Variants in C8orf34 observed in about 807,000 individuals in gnomAD.
C8orf34 encodes chromosome 8 open reading frame 34.
In C8orf34, 65 loss-of-function variants were observed where a neutral mutation model predicts 68.3. The ratio of observed to expected loss-of-function variants is 0.95; its 90% CI spans 0.78 to 1.17. The LOEUF is 1.17. Ranked by LOEUF, C8orf34 falls within the 50% of genes most tolerant of loss-of-function variation. C8orf34 has a pLI of 0.00. For synonymous variants in C8orf34, 244 were observed against 241.2 expected (o/e 1.01, Z -0.11); for missense variants, 664 against 655.4 (o/e 1.01, Z -0.14).
intron 7 of C8orf34, among the ~76,000 whole-genome samples, chr8:68,573,303 T>C (rs78778675): frequency 0.01 from 1,537 of 152,230 alleles, 24 homozygotes; most frequent in African/African-American, 0.035. Context: ...AGTTCTGAGA[T>C]GAGGCCTTTG....
At chr8:68,477,560 G>T (rs1390689473) in intron 4 of C8orf34, among the ~76,000 whole-genome samples, 1 of 152,210 alleles carries the variant, frequency 6.6e-6, no homozygotes, top group Non-Finnish European at 1.5e-5. Context: ...TCTACTGACA[G>T]CTTGAACTGT....
intron 8 of C8orf34, among the ~76,000 whole-genome samples, chr8:68,704,672 C>A (rs1409146389): frequency 3.3e-5 from 5 of 152,138 alleles, no homozygotes; most frequent in Non-Finnish European, 4.4e-5. Flanking sequence ...CTTCATTCCA[C>A]CCACTGTGAA....
intron 1 of C8orf34, among the ~76,000 whole-genome samples, chr8:68,427,284 A>AC (rs1188470288): frequency 1.3e-5 from 2 of 152,188 alleles, no homozygotes; most frequent in Non-Finnish European, 2.9e-5. Context: ...AGAGAAACTA[A>AC]CCAAAGGTCC....
chr8:68,734,480 G>A (rs1022575407), intron 10 of C8orf34, among the ~76,000 whole-genome samples: 7 of 152,082 alleles, frequency 4.6e-5, no homozygotes, highest in African/African-American at 1.7e-4. Context: ...TGCATTCCTG[G>A]GAGATGACAA....
chr8:68,385,293 G>A (rs1406648300), intron 1 of C8orf34, among the ~76,000 whole-genome samples: 1 of 152,112 alleles, frequency 6.6e-6, no homozygotes, highest in Non-Finnish European at 1.5e-5. Context: ...AACAAATGGA[G>A]GAACAAAGTA....
rs541684325 is a variant in C8orf34 at position 68,489,958 on chromosome 8, G to C, written c.765+1907G>C. On this transcript the variant is annotated intron_variant, in intron 5 of 13. Coordinates refer to ENST00000518698, the MANE Select transcript of C8orf34 (RefSeq NM_052958.4). ...AAACCATCATAATATTTTAGAATTA[G>C]TTTCATTGTCATCTGTACCGACTCC... is the stretch of plus-strand genomic sequence containing the variant. Among the ~76,000 whole-genome samples the C allele has an allele frequency of 4.6e-4, 70 of 152,144 alleles. 1 individual carries two copies. Among genetic ancestry groups the C allele is most frequent in the Non-Finnish European group, 2.4e-4 (16 of 68,008 alleles).
rs528829047 is a variant in C8orf34, at chr8:68,817,864, C to T, written c.1610-375C>T. Among the ~76,000 whole-genome samples the T allele has an allele frequency of 1.1e-4, 16 of 152,222 alleles. No individual in the cohort carries two copies. The South Asian group carries it at 3.3e-3, about 32-fold the overall frequency. On this transcript the variant is annotated intron_variant, in intron 13 of 13. Transcript: ENST00000518698. ...GAAATGCCAAGTGAAGGGGGAGGAA[C>T]CCCTTATAAAACCATCAGATCTTGT...
chr8:68,507,233 G>A (rs1174756906), intron 5 of C8orf34, among the ~76,000 whole-genome samples: 2 of 152,026 alleles, frequency 1.3e-5, no homozygotes, highest in Non-Finnish European at 2.9e-5. Flanking sequence ...ACATTTATTG[G>A]CAAATAGGAA....
intron 1 of C8orf34, among the ~76,000 whole-genome samples, chr8:68,377,778 G>T (rs1436040196): frequency 6.6e-6 from 1 of 152,006 alleles, no homozygotes; most frequent in East Asian, 1.9e-4. Context: ...ACATATCCAA[G>T]ACTGAGTAAT....
At chr8:68,331,780 CTTCTTTTT>C in intron 1 of C8orf34, among the ~76,000 whole-genome samples, 1 of 33,562 alleles carries the variant, frequency 3.0e-5, no homozygotes, top group Non-Finnish European at 5.7e-5. Flanking sequence ...CTTTTCTTTC[CTTCTTTTT>C]TTTTTTTTTT....
At chr8:68,398,367 C>T (rs1808805946) in intron 1 of C8orf34, among the ~76,000 whole-genome samples, 1 of 152,100 alleles carries the variant, frequency 6.6e-6, no homozygotes, top group Non-Finnish European at 1.5e-5. Flanking sequence ...GGCTATCCCA[C>T]TTTTATTAAA....
At chr8:68,696,018 T>C (rs1306021400) in intron 8 of C8orf34, among the ~76,000 whole-genome samples, 2 of 151,914 alleles carry the variant, frequency 1.3e-5, no homozygotes, top group Non-Finnish European at 2.9e-5. Flanking sequence ...GACACTATTA[T>C]AGGCTGGGCC....
At chr8:68,349,209 C>T (rs550488784) in intron 1 of C8orf34, among the ~76,000 whole-genome samples, 72 of 152,054 alleles carry the variant, frequency 4.7e-4, no homozygotes, top group African/African-American at 1.5e-3. Flanking sequence ...TATCAAAAGC[C>T]TTTTCTGTGT....
rs1359060347 is a variant in C8orf34, at chr8:68,437,417, A to AGACATTCTGTGACAATAGCAATCCAGTTG, written c.328-2081_328-2053dup. ...TTAATTTTGCTTTACCTGAGTGTCC[A>AGACATTCTGTGACAATAGCAATCCAGTTG]GACATTCTGTGACAATAGCAATCCA... is the stretch of plus-strand genomic sequence containing the variant. On this transcript the variant is annotated intron_variant, in intron 1 of 13. Transcript: ENST00000518698. Among the ~76,000 whole-genome samples, 4 of 152,282 alleles carry AGACATTCTGTGACAATAGCAATCCAGTTG rather than the reference A, an allele frequency of 2.6e-5. No individual in the cohort carries two copies. The East Asian group carries it at 7.7e-4, about 29-fold the overall frequency.
intron 9 of C8orf34, among the ~76,000 whole-genome samples, chr8:68,712,587 TAAAC>T (rs1821356602): frequency 6.6e-6 from 1 of 151,946 alleles, no homozygotes; most frequent in Non-Finnish European, 1.5e-5. Flanking sequence ...CAGTTAAAAA[TAAAC>T]AAAGTGGAAC....
intron 4 of C8orf34, among the ~76,000 whole-genome samples, chr8:68,474,321 AAACT>A (rs1203692896): frequency 3.3e-5 from 5 of 152,114 alleles, no homozygotes; most frequent in Non-Finnish European, 7.3e-5. Context: ...CTATCCTTCC[AAACT>A]GGAACCCTTC....
intron 1 of C8orf34, among the ~76,000 whole-genome samples, chr8:68,361,560 G>A (rs1807000564): frequency 6.6e-6 from 1 of 152,206 alleles, no homozygotes; most frequent in African/African-American, 2.4e-5. Flanking sequence ...TGTTTTGCCT[G>A]TTGAATTAAA....
chr8:68,550,736 T>C (rs904397674), intron 7 of C8orf34, among the ~76,000 whole-genome samples: 1 of 151,726 alleles, frequency 6.6e-6, no homozygotes, highest in African/African-American at 2.4e-5. Context: ...GATTTGATAT[T>C]TTCATATGGT....
At chr8:68,436,243 G>A (rs1012165587) in intron 1 of C8orf34, among the ~76,000 whole-genome samples, 2 of 151,948 alleles carry the variant, frequency 1.3e-5, no homozygotes, top group Non-Finnish European at 2.9e-5. Flanking sequence ...AAAAATAGTG[G>A]CTATCAGATT....
Sources: allele counts gnomAD v4.1 joint callset (sites outside exome capture counted in the v4.1 genomes callset), GRCh38; gene constraint gnomAD v4.1.1; transcripts MANE v1.5; gene names NCBI Gene and HGNC (gene_info 2026-07-23, HGNC 2026-07-21).